The following SUMF1 variants were observed in gnomAD, a reference collection of about 807,000 sequenced individuals.
The protein encoded by SUMF1 is sulfatase modifying factor 1.
In SUMF1, 48 loss-of-function variants were observed where a neutral mutation model predicts 47.6. The ratio of observed to expected loss-of-function variants is 1.01; its 90% CI spans 0.80 to 1.28. The LOEUF (loss-of-function observed/expected upper bound fraction) is 1.28. Among genes scored for constraint, SUMF1 ranks in the 50% most tolerant of loss-of-function variants. The pLI is 0.00. For missense variants in SUMF1, 571 were observed against 485.4 expected (o/e 1.18, Z -1.66); for synonymous variants, 230 against 192.1 (o/e 1.20, Z -1.63).
At position 4,452,962 on chromosome 3, in the gene SUMF1, T is replaced by G; in HGVS notation, c.358A>C (p.Thr120Pro). 6.2e-7 allele frequency: 1 copy of G among 1,614,224 alleles called. No homozygotes were observed. The highest frequency in any genetic ancestry group is 8.5e-7 in the Non-Finnish European group (1 of 1,180,048). ...GCATCCATGTAAAAGGCATCAATAGTAACTCTCCTCGCAGGTGCTTCCCCA... is the reference window on the plus strand; with the variant it reads ...GCATCCATGTAAAAGGCATCAATAGGAACTCTCCTCGCAGGTGCTTCCCCA... ...QDGEAPARRV[T>P]IDAFYMDAYE... Residue 120 changes from threonine to proline, a missense_variant, in exon 2 of 9, where the codon ACT (threonine) becomes CCT (proline). Thr to Pro is a conservative substitution (Grantham distance 38). Coordinates refer to ENST00000272902, the MANE Select transcript of SUMF1 (RefSeq NM_182760.4).
intron 1 of SUMF1, among the ~76,000 whole-genome samples, chr3:4,466,046 G>A (rs987475483): frequency 1.3e-5 from 2 of 152,172 alleles, no homozygotes; most frequent in African/African-American, 2.4e-5. Flanking sequence ...AGACCCATAA[G>A]TTGTTTCGAC....
chr3:4,104,575 G>A (rs774245010), intron 8 of SUMF1, among the ~76,000 whole-genome samples: 15 of 151,938 alleles, frequency 9.9e-5, no homozygotes, highest in Middle Eastern at 3.4e-3. Context: ...GTCAGGGTCC[G>A]TATTCTCCGG....
At chr3:4,109,367 T>C (rs1433800205) in intron 8 of SUMF1, among the ~76,000 whole-genome samples, 1 of 152,126 alleles carries the variant, frequency 6.6e-6, no homozygotes, top group East Asian at 1.9e-4. Flanking sequence ...ATTTTTTCCT[T>C]CATTTCAACT....
At chr3:4,135,822 A>G (rs1350384549) in intron 8 of SUMF1, among the ~76,000 whole-genome samples, 1 of 152,206 alleles carries the variant, frequency 6.6e-6, no homozygotes, top group East Asian at 1.9e-4. Context: ...GCATTCTTAT[A>G]TACCAATAAC....
intron 8 of SUMF1, among the ~76,000 whole-genome samples, chr3:4,367,436 A>G (rs1031567718): frequency 6.6e-6 from 1 of 152,180 alleles, no homozygotes; most frequent in African/African-American, 2.4e-5. Context: ...ATTCAATGCC[A>G]TCCCCATCAA....
chr3:4,266,107 G>T (rs1305962754), intron 8 of SUMF1, among the ~76,000 whole-genome samples: 1 of 152,190 alleles, frequency 6.6e-6, no homozygotes, highest in African/African-American at 2.4e-5. Context: ...TTTGATACCA[G>T]TACCATGCTG....
chr3:4,066,143 TCCCTCCCCCAGCAACACTCCCCCAGGAA>T (rs964550411), intron 9 of SUMF1, among the ~76,000 whole-genome samples: 1 of 151,622 alleles, frequency 6.6e-6, no homozygotes, highest in African/African-American at 2.4e-5. Flanking sequence ...GCACAGTCCA[TCCCTCCCCCAGCAACACTCCCCCAGGAA>T]CCCTCCCCCA....
intron 8 of SUMF1, among the ~76,000 whole-genome samples, chr3:4,224,386 G>A (rs1696130617): frequency 1.3e-5 from 2 of 152,034 alleles, no homozygotes; most frequent in Non-Finnish European, 2.9e-5. Context: ...AGTGTTCAAG[G>A]CATATTTTGG....
At chr3:4,101,825 C>T (rs1574883498) in intron 8 of SUMF1, among the ~76,000 whole-genome samples, 1 of 152,046 alleles carries the variant, frequency 6.6e-6, no homozygotes, top group East Asian at 1.9e-4. Context: ...ATTTCATTCT[C>T]ACACTGCTAT....
intron 8 of SUMF1, among the ~76,000 whole-genome samples, chr3:4,374,294 A>G (rs1246909817): frequency 6.6e-6 from 1 of 152,210 alleles, no homozygotes; most frequent in Non-Finnish European, 1.5e-5. Flanking sequence ...TACAATTTAC[A>G]AAAACATTAC....
chr3:4,339,036 A>G (rs889198545), intron 8 of SUMF1, among the ~76,000 whole-genome samples: 1 of 152,216 alleles, frequency 6.6e-6, no homozygotes, highest in East Asian at 1.9e-4. Context: ...ACCAAGTTCA[A>G]ACTCTTTATT....
chr3:4,216,313 G>C (rs140163710), intron 8 of SUMF1, among the ~76,000 whole-genome samples: 244 of 152,246 alleles, frequency 1.6e-3, no homozygotes, highest in African/African-American at 5.6e-3. Flanking sequence ...TTTAATGAAT[G>C]GTGTTGGGAA....
At chr3:4,289,851 T>A (rs1055823225) in intron 8 of SUMF1, among the ~76,000 whole-genome samples, 3 of 152,214 alleles carry the variant, frequency 2.0e-5, no homozygotes, top group Admixed American at 6.5e-5. Flanking sequence ...CATGAACAAA[T>A]GCTAAAAATA....
chr3:4,344,243 C>T (rs557376747), intron 8 of SUMF1, among the ~76,000 whole-genome samples: 65 of 152,000 alleles, frequency 4.3e-4, no homozygotes, highest in African/African-American at 1.5e-3. Context: ...GTGTGGCGGC[C>T]ACCCTGAGAG....
In SUMF1 at chr3:4,211,228, C is replaced by A. The variant is rs547775934; in HGVS notation, c.1015-142483G>T. On this transcript the variant is annotated intron_variant and NMD_transcript_variant, in intron 8 of 12. Coordinates refer to the SUMF1 transcript ENST00000448413. ...CATATATATATATATATATATATAT[C>A]CTATTAGTTCTGTTTCTCTAGAGAA... 4.1e-3 allele frequency among the ~76,000 whole-genome samples: 196 copies of A among 47,700 alleles called. 2 individuals carry two copies. The highest frequency in any genetic ancestry group is 0.012 in the African/African-American group (175 of 14,144). The allele number at this position is 47,700 out of a possible 152,430, so 31.3% of individuals were successfully genotyped here. A position where few individuals can be genotyped will look rare whatever the true frequency, so the allele number is the denominator to read the frequency against.
intron 8 of SUMF1, among the ~76,000 whole-genome samples, chr3:4,093,318 G>A (rs1692827783): frequency 6.6e-6 from 1 of 151,992 alleles, no homozygotes; most frequent in African/African-American, 2.4e-5. Context: ...ATCACTCTTA[G>A]GCCCAAGAAA....
chr3:4,344,367 C>G (rs1056408055), intron 8 of SUMF1, among the ~76,000 whole-genome samples: 2 of 152,182 alleles, frequency 1.3e-5, no homozygotes, highest in East Asian at 3.9e-4. Flanking sequence ...TGAGTGACAT[C>G]TCCAGGCACA....
intron 8 of SUMF1, among the ~76,000 whole-genome samples, chr3:4,162,812 C>G (rs1215631335): frequency 1.3e-5 from 2 of 151,618 alleles, no homozygotes; most frequent in African/African-American, 4.9e-5. Context: ...TATGAAGGTG[C>G]TTTTTTGTGT....
chr3:4,377,479 A>G (rs942880717), intron 7 of SUMF1, among the ~76,000 whole-genome samples: 7 of 152,226 alleles, frequency 4.6e-5, no homozygotes, highest in African/African-American at 1.7e-4. Context: ...GCCTTGCTCC[A>G]GAGTCCATGC....
Sources: gnomAD v4.1 joint callset for allele counts (sites outside exome capture counted in the v4.1 genomes callset) on GRCh38, gnomAD v4.1.1 for gene constraint, MANE v1.5 for transcripts, NCBI Gene and HGNC (gene_info 2026-07-23, HGNC 2026-07-21) for gene names.